The following SMG5 variants were observed in gnomAD, a reference collection of about 807,000 sequenced individuals.
SMG5 encodes the protein SMG5 nonsense mediated mRNA decay factor.
In SMG5, 53 loss-of-function variants were observed where a neutral mutation model predicts 122.9. The observed-to-expected ratio is 0.43, with a 90% confidence interval of 0.35 to 0.54. SMG5 has a LOEUF of 0.54. Ranked by LOEUF, SMG5 falls within the 20% of genes least tolerant of loss-of-function variation. The probability of loss-of-function intolerance (pLI) is 0.01; values close to 1 mark genes in which losing one functional copy is unlikely to be tolerated. For missense variants in SMG5, 1,153 were observed against 1,285.6 expected, an observed-to-expected ratio of 0.90 and a Z score of 1.58; for synonymous variants, 477 against 490.2, an observed-to-expected ratio of 0.97 and a Z score of 0.35.
At chr1:156,260,814 C>G (rs7533548) in intron 14 of SMG5, among the ~76,000 whole-genome samples, 188 bp from the exon 15 acceptor site, 33,742 of 152,080 alleles carry the variant, frequency 0.22, 3,975 homozygotes, top group Admixed American at 0.32. Context: ...TCAGGCAGAG[C>G]AGAGGGGCTC....
chr1:156,253,713 T>C (rs886635540), intron 16 of SMG5: 18 of 604,298 alleles, frequency 3.0e-5, no homozygotes, highest in South Asian at 2.0e-4. Context: ...ACCAACCCGA[T>C]GCAGGTCATG....
At chr1:156,269,578 T>G (rs751193710) in intron 7 of SMG5, among the ~76,000 whole-genome samples, 1 of 151,468 alleles carries the variant, frequency 6.6e-6, no homozygotes, top group Non-Finnish European at 1.5e-5. Flanking sequence ...CTACTAAAAA[T>G]ACAAAAAATT....
intron 13 of SMG5, 93 bp downstream of exon 13, chr1:156,263,302 G>T: frequency 7.3e-7 from 1 of 1,379,304 alleles, no homozygotes; most frequent in Non-Finnish European, 9.9e-7. Context: ...TTCTTGCCTT[G>T]GCCATCAGGG....
chr1:156,253,564 G>C (rs867654595), intron 16 of SMG5, 56 bp from the exon 17 acceptor site: 1 of 1,541,328 alleles, frequency 6.5e-7, no homozygotes. Context: ...CTTCTCCAGT[G>C]ATCAGGAAGA....
chr1:156,285,408 G>A (rs770924093), upstream of SMG5: 1 of 1,605,228 alleles, frequency 6.2e-7, no homozygotes, highest in South Asian at 1.1e-5. Flanking sequence ...GCCATAGAGG[G>A]GGCTGAGGAT....
intron 9 of SMG5, 81 bp from the exon 10 acceptor site, chr1:156,267,759 A>C: frequency 1.6e-6 from 2 of 1,273,618 alleles, no homozygotes; most frequent in Non-Finnish European, 1.1e-6. Context: ...AGATTCAGAG[A>C]AAGGACTATG....
upstream of SMG5, chr1:156,285,625 C>G (rs562551580): frequency 6.8e-6 from 11 of 1,614,178 alleles, no homozygotes; most frequent in Non-Finnish European, 9.3e-6. Context: ...TGCCTATTGA[C>G]CTACAGTGCA....
chr1:156,258,752 C>T (rs567831743), intron 16 of SMG5, among the ~76,000 whole-genome samples: 3 of 151,780 alleles, frequency 2.0e-5, no homozygotes, highest in East Asian at 1.9e-4. Context: ...GCTGAGATCA[C>T]GTCACTTGCT....
chr1:156,273,238 C>T (rs1366388417), intron 6 of SMG5, 123 bp downstream of exon 6: 5 of 754,770 alleles, frequency 6.6e-6, no homozygotes, highest in African/African-American at 5.2e-5. Flanking sequence ...AGGTGAAGTA[C>T]GAGAGAGCTG....
At chr1:156,279,918 G>C (rs940438090) in intron 1 of SMG5, among the ~76,000 whole-genome samples, 3 of 152,186 alleles carry the variant, frequency 2.0e-5, no homozygotes, top group Admixed American at 1.3e-4. Context: ...TACCAGCTAT[G>C]TGGTCCTGGG....
chr1:156,262,989 C>T (rs1211247630), intron 13 of SMG5, among the ~76,000 whole-genome samples: 1 of 152,230 alleles, frequency 6.6e-6, no homozygotes, highest in African/African-American at 2.4e-5. Context: ...TTCCCCCTGC[C>T]TAGTACATCT....
rs1161557433 is a variant in SMG5, at chr1:156,282,755, G to A, written c.-75C>T. ...CACTACCGCCAACACTGCCGTCTCC[G>A]GCCGTAGCCGCAGCCGCCGCCGCCA... On this transcript the variant is annotated 5_prime_UTR_variant, in exon 1 of 22. Coordinates refer to ENST00000361813, the MANE Select transcript of SMG5 (RefSeq NM_015327.3). The A allele has an allele frequency of 2.1e-6, 3 of 1,459,986 alleles. No homozygotes were observed. Among genetic ancestry groups the A allele is most frequent in the East Asian group, 5.1e-5 (2 of 39,582 alleles). 90.4% of individuals were successfully genotyped at this position (1,459,986 alleles called of 1,614,324 possible). A position where few individuals can be genotyped will look rare whatever the true frequency, so the allele number is the denominator to read the frequency against.
chr1:156,286,321 AC>A, upstream of SMG5: 1 of 1,614,188 alleles, frequency 6.2e-7, no homozygotes, highest in Non-Finnish European at 8.5e-7. Flanking sequence ...TTGGGGAGCC[AC>A]GGCGGGAGGT....
In SMG5 at chr1:156,278,981, G is replaced by A; in HGVS notation, c.128C>T (p.Ala43Val). ...RLDLILCNKT[A>V]YQEVFKPENI... Reference sequence around the variant, plus strand: ...TTCTGGTTTGAATACTTCTTGATAAGCAGTTTTGTTGCAAAGGATGAGGTC... The same window carrying A: ...TTCTGGTTTGAATACTTCTTGATAAACAGTTTTGTTGCAAAGGATGAGGTC... Residue 43 changes from alanine (A) to valine (V), a missense_variant, in exon 2 of 22, where the codon GCT (alanine) becomes GTT (valine). Physicochemically the swap from Ala to Val is moderately conservative, Grantham distance 64. Transcript: ENST00000361813. 1 of 1,614,184 alleles carries A rather than the reference G, an allele frequency of 6.2e-7. No individual in the cohort carries two copies. Among genetic ancestry groups the A allele is most frequent in the Non-Finnish European group, 8.5e-7 (1 of 1,180,040 alleles).
In SMG5 at chr1:156,249,339, G is replaced by A. The variant is rs1487164352; in HGVS notation, c.*1248C>T. ...CAGACTTGCTATTTTAGAGGAGAGA[G>A]GCAGGAAGCCAACTATCCTCTAAGC... On this transcript the variant is annotated 3_prime_UTR_variant, in exon 22 of 22. Transcript: ENST00000361813. 4.8e-6 allele frequency: 1 copy of A among 208,094 alleles called. No homozygotes were observed. Among genetic ancestry groups the A allele is most frequent in the South Asian group, 7.8e-5 (1 of 12,750 alleles). 12.9% of individuals were successfully genotyped at this position (208,094 alleles called of 1,614,324 possible). A position where few individuals can be genotyped will look rare whatever the true frequency, so the allele number is the denominator to read the frequency against.
intron 7 of SMG5, 144 bp downstream of exon 7, chr1:156,272,176 T>TC (rs1662467185): frequency 2.8e-6 from 2 of 706,408 alleles, no homozygotes; most frequent in Non-Finnish European, 4.8e-6. Flanking sequence ...TGTGTCAGAG[T>TC]CCCCCTGAAT....
At chr1:156,255,836 A>G (rs1242077634) in intron 16 of SMG5, among the ~76,000 whole-genome samples, 1 of 152,126 alleles carries the variant, frequency 6.6e-6, no homozygotes, top group Non-Finnish European at 1.5e-5. Flanking sequence ...CCAGGAGTTC[A>G]AGGCTGCAGT....
chr1:156,259,153 C>T lies in SMG5; in HGVS notation c.2294G>A (p.Arg765His). 1 of 1,580,918 alleles carries T rather than the reference C, an allele frequency of 6.3e-7. No homozygotes were observed. Among genetic ancestry groups the T allele is most frequent in the Non-Finnish European group, 8.6e-7 (1 of 1,163,440 alleles). The stretch of plus-strand genomic sequence containing the variant: ...ACCAAAGCTGCGGATGCAGCAGATG[C>T]GCACCACTGACTGTGGGGAGATACA... ...LLSTLEESVV[R>H]ICCIRSFGHF... The change falls in exon 16 of 22, where the codon CGC (arginine) becomes CAC (histidine). Residue 765 changes from arginine to histidine, a missense_variant. This residue lies in a region of SMG5 where 631 missense variants were observed against 650.6 expected (regional missense o/e 0.97). Transcript: ENST00000361813.
In SMG5 at chr1:156,268,642, T is replaced by G. The variant is rs113600209; in HGVS notation, c.714-227A>C. Among the ~76,000 whole-genome samples the G allele has an allele frequency of 9.0e-3, 1,366 of 152,346 alleles. 26 individuals are homozygous for G. Among genetic ancestry groups the G allele is most frequent in the African/African-American group, 0.03 (1,266 of 41,568 alleles). On this transcript the variant is annotated intron_variant, in intron 7 of 21. Coordinates refer to ENST00000361813, the MANE Select transcript of SMG5 (RefSeq NM_015327.3). The stretch of plus-strand genomic sequence containing the variant: ...ACGATGTCTTACTCTGCTTTGTATC[T>G]AGAAAGGAGAATATCAATCCTACCC...
Sources: gnomAD v4.1 joint callset for allele counts (sites outside exome capture counted in the v4.1 genomes callset) on GRCh38, gnomAD v4.1.1 for gene constraint, gnomAD v4.1.1 regional missense constraint, MANE v1.5 for transcripts, NCBI Gene and HGNC (gene_info 2026-07-23, HGNC 2026-07-21) for gene names.